Variants in PSKH1 observed in about 807,000 individuals in gnomAD.
PSKH1 encodes the protein protein serine kinase H1.
Under a neutral mutation model 26.7 loss-of-function variants are expected in PSKH1, and 12 were observed. That is an observed-to-expected ratio of 0.45 (90% CI 0.29 to 0.73). The LOEUF (loss-of-function observed/expected upper bound fraction) is 0.73, where lower values mean the gene tolerates loss of function less well. PSKH1 is among the 30% of genes least tolerant of loss of function. PSKH1 has a pLI of 0.11. For synonymous variants in PSKH1, 213 were observed against 234.3 expected, an observed-to-expected ratio of 0.91 and a Z score of 0.83; for missense variants, 431 against 595.2, an observed-to-expected ratio of 0.72 and a Z score of 2.87.
At chr16:67,906,352 G>C (rs1232083275) in intron 1 of PSKH1, among the ~76,000 whole-genome samples, 1 of 148,930 alleles carries the variant, frequency 6.7e-6, no homozygotes, top group Non-Finnish European at 1.5e-5. Flanking sequence ...GATTACAGGC[G>C]TGAGCCTCCG....
chr16:67,923,976 G>A (rs1957869968), intron 2 of PSKH1, among the ~76,000 whole-genome samples: 2 of 152,204 alleles, frequency 1.3e-5, no homozygotes. Context: ...CTGTGGGCGA[G>A]TGTGGAAAGC....
At chr16:67,906,461 C>G (rs2058156343) in intron 1 of PSKH1, among the ~76,000 whole-genome samples, 1 of 151,636 alleles carries the variant, frequency 6.6e-6, no homozygotes, top group Non-Finnish European at 1.5e-5. Flanking sequence ...CCACCAGGTT[C>G]AAGTGACTCT....
chr16:67,925,095 G>A (rs2151315330), intron 2 of PSKH1, among the ~76,000 whole-genome samples: 1 of 151,888 alleles, frequency 6.6e-6, no homozygotes, highest in South Asian at 2.1e-4. Context: ...GGAAGCCACT[G>A]CTCCTGGCTT....
chr16:67,923,877 C>G (rs1013078594), intron 2 of PSKH1, among the ~76,000 whole-genome samples: 2 of 152,226 alleles, frequency 1.3e-5, no homozygotes, highest in African/African-American at 4.8e-5. Context: ...CACATACTTA[C>G]GTGGCTCCAG....
chr16:67,926,349 G>A (rs1379812164), intron 2 of PSKH1, among the ~76,000 whole-genome samples: 1 of 152,204 alleles, frequency 6.6e-6, no homozygotes, highest in Non-Finnish European at 1.5e-5. Flanking sequence ...TCCTGTATGC[G>A]CAGCACCAGG....
chr16:67,916,946 A>G (rs1259629705), intron 2 of PSKH1, among the ~76,000 whole-genome samples: 1 of 152,110 alleles, frequency 6.6e-6, no homozygotes, highest in African/African-American at 2.4e-5. Context: ...CCCATGCCCT[A>G]GACCCCACCC....
intron 1 of PSKH1, among the ~76,000 whole-genome samples, chr16:67,900,756 G>C (rs1028164246): frequency 3.9e-5 from 6 of 152,120 alleles, no homozygotes; most frequent in Non-Finnish European, 7.3e-5. Context: ...GAGTGCTTTG[G>C]ACCAGGCTGG....
chr16:67,909,833 A>C lies in PSKH1; in HGVS notation c.957+127A>C. The C allele has an allele frequency of 1.2e-6, 1 of 856,714 alleles. No homozygotes were observed. Among genetic ancestry groups the C allele is most frequent in the Non-Finnish European group, 1.8e-6 (1 of 556,274 alleles). The allele number at this position is 856,714 out of a possible 1,614,324, so 53.1% of individuals were successfully genotyped here. ...GTGAGGGCCAGGCAGGTCATATAAA[A>C]GGGACAAAGTGAGACTATCAGAATG... On this transcript the variant is annotated intron_variant, in intron 2 of 2. Transcript: ENST00000291041. This position sits in a 1 kb window ranked among gnomAD's most constrained non-coding sequence, Gnocchi z 7.8.
At chr16:67,923,261 C>T (rs958920847) in intron 2 of PSKH1, among the ~76,000 whole-genome samples, 11 of 152,098 alleles carry the variant, frequency 7.2e-5, no homozygotes, top group Admixed American at 5.9e-4. Flanking sequence ...TTTGCTGTTC[C>T]AACATCAGGA....
At chr16:67,893,412 A>AT (rs2058117223) in intron 1 of PSKH1, 41 bp downstream of exon 1, 1 of 152,184 alleles carries the variant, frequency 6.6e-6, no homozygotes, top group Non-Finnish European at 1.5e-5. Flanking sequence ...GACGGGCGGG[A>AT]GGGGCAGCCG....
At chr16:67,910,427 A>G (rs1055176517) in intron 2 of PSKH1, among the ~76,000 whole-genome samples, 2 of 152,210 alleles carry the variant, frequency 1.3e-5, no homozygotes, top group Non-Finnish European at 2.9e-5. Context: ...GTCCAGTTTC[A>G]CCACACAATG....
chr16:67,909,580 A>T lies in PSKH1; in HGVS notation c.831A>T (p.Ser277=). 6.2e-7 allele frequency: 1 copy of T among 1,614,050 alleles called. No individual in the cohort carries two copies. Among genetic ancestry groups the T allele is most frequent in the Non-Finnish European group, 8.5e-7 (1 of 1,180,030 alleles). Residue 277 remains serine (S), a synonymous_variant, in exon 2 of 3, where the codon TCA becomes TCT. Coordinates refer to ENST00000291041, the MANE Select transcript of PSKH1 (RefSeq NM_006742.3). This position sits in a 1 kb window ranked among gnomAD's most constrained non-coding sequence, Gnocchi z 7.8. ...EVLVRKPYTN[S]VDMWALGVIA... is the part of the protein sequence containing the mutation. ...TGGTCCGCAAGCCATACACCAACTC[A>T]GTGGACATGTGGGCGCTGGGCGTCA...
At position 67,908,848 on chromosome 16, in the gene PSKH1, C is replaced by G; in HGVS notation, c.99C>G (p.Asp33Glu). ...KVEPFSGTKS[D>E]VYKHFITEVD... ...AGCCCTTCAGTGGCACTAAGAGTGA[C>G]GTGTACAAGCACTTCATCACAGAGG... Residue 33 changes from aspartate (D) to glutamate (E), a missense_variant, in exon 2 of 3, where the codon GAC becomes GAG. Coordinates refer to ENST00000291041, the MANE Select transcript of PSKH1 (RefSeq NM_006742.3). 2.5e-6 allele frequency: 4 copies of G among 1,614,164 alleles called. No individual in the cohort carries two copies. In the South Asian group the frequency reaches 4.4e-5, roughly 18 times the overall value.
chr16:67,894,980 A>G (rs566285907), intron 1 of PSKH1, among the ~76,000 whole-genome samples: 2 of 149,618 alleles, frequency 1.3e-5, no homozygotes, highest in East Asian at 2.0e-4. Context: ...GGCTGGAGCA[A>G]TGGCGCGATC....
chr16:67,897,257 G>A (rs1404143024), intron 1 of PSKH1, among the ~76,000 whole-genome samples: 1 of 152,204 alleles, frequency 6.6e-6, no homozygotes, highest in East Asian at 1.9e-4. Flanking sequence ...AGTTCTGCTT[G>A]TTGAGAGCTG....
intron 2 of PSKH1, among the ~76,000 whole-genome samples, chr16:67,925,972 C>A (rs1159829683): frequency 6.6e-6 from 1 of 152,008 alleles, no homozygotes; most frequent in African/African-American, 2.4e-5. Flanking sequence ...TGTGCACCTG[C>A]CCTGAAGGTG....
chr16:67,893,509 T>G (rs2058117596), intron 1 of PSKH1, 138 bp downstream of exon 1: 1 of 152,362 alleles, frequency 6.6e-6, no homozygotes, highest in South Asian at 2.1e-4. Context: ...CGCCAGGGCC[T>G]ACAGGGTTGG....
At chr16:67,921,597 A>G (rs1179018856) in intron 2 of PSKH1, among the ~76,000 whole-genome samples, 3 of 152,128 alleles carry the variant, frequency 2.0e-5, no homozygotes, top group African/African-American at 7.2e-5. Flanking sequence ...AAAAAAAAAC[A>G]AAAACAAAAA....
chr16:67,920,703 C>A (rs1257097709), intron 2 of PSKH1, among the ~76,000 whole-genome samples: 1 of 152,246 alleles, frequency 6.6e-6, no homozygotes, highest in Non-Finnish European at 1.5e-5. Flanking sequence ...CCAAGCTCAC[C>A]TTCCCTAGTC....
Sources: gnomAD v4.1 joint callset for allele counts (sites outside exome capture counted in the v4.1 genomes callset) on GRCh38, gnomAD v4.1.1 for gene constraint, Gnocchi (gnomAD v3.1) non-coding constraint, MANE v1.5 for transcripts, NCBI Gene and HGNC (gene_info 2026-07-23, HGNC 2026-07-21) for gene names.